The following PDE10A variants were observed in gnomAD, a reference collection of about 807,000 sequenced individuals.
PDE10A encodes the protein cAMP and cAMP-inhibited cGMP 3',5'-cyclic phosphodiesterase 10A.
A neutral mutation model predicts 97.7 loss-of-function variants in PDE10A; 39 were observed. The ratio of observed to expected loss-of-function variants is 0.40; its 90% confidence interval spans 0.31 to 0.52. The LOEUF is 0.52. PDE10A is among the 20% of genes least tolerant of loss of function. The pLI, the probability that PDE10A is intolerant of heterozygous loss-of-function variation, is 0.56. For missense variants in PDE10A, 731 were observed against 1,047.8 expected, an observed-to-expected ratio of 0.70 and a Z score of 4.17; for synonymous variants, 371 against 376.8, an observed-to-expected ratio of 0.98 and a Z score of 0.18.
intron 1 of PDE10A, among the ~76,000 whole-genome samples, chr6:165,913,157 T>C (rs541948910): frequency 1.4e-4 from 21 of 152,272 alleles, no homozygotes; most frequent in African/African-American, 5.1e-4. Context: ...TGTTTAGACT[T>C]GGATCCCATC....
intron 2 of PDE10A, among the ~76,000 whole-genome samples, chr6:165,513,487 T>TC (rs1781621985): frequency 6.6e-6 from 1 of 152,116 alleles, no homozygotes. Flanking sequence ...ATATTGAACT[T>TC]CATTTTAAAA....
chr6:165,764,161 G>T (rs1340992886), intron 1 of PDE10A, among the ~76,000 whole-genome samples: 1 of 152,174 alleles, frequency 6.6e-6, no homozygotes, highest in Non-Finnish European at 1.5e-5. Flanking sequence ...TCTTGGCTCT[G>T]CCTGGGCAGA....
chr6:165,591,348 G>A (rs142249339), intron 1 of PDE10A, among the ~76,000 whole-genome samples: 2,375 of 152,326 alleles, frequency 0.016, 63 homozygotes, highest in African/African-American at 0.054. Context: ...AACAGAAACT[G>A]GAATGAGGTA....
At chr6:165,341,733 A>G (rs1781982381) in intron 19 of PDE10A, among the ~76,000 whole-genome samples, 1 of 152,182 alleles carries the variant, frequency 6.6e-6, no homozygotes, top group Non-Finnish European at 1.5e-5. Flanking sequence ...CACTTCCAGC[A>G]TCCTAGTGTA....
chr6:165,552,075 G>A (rs934514812), intron 1 of PDE10A, among the ~76,000 whole-genome samples: 1 of 152,138 alleles, frequency 6.6e-6, no homozygotes. Flanking sequence ...AGTTTCACTG[G>A]AGCTACCTTC....
rs529971011 is a variant in PDE10A at position 165,465,433 on chromosome 6, G to C, written c.1024-15071C>G. 1.4e-3 allele frequency among the ~76,000 whole-genome samples: 206 copies of C among 152,322 alleles called. 3 individuals are homozygous for C. The highest frequency in any genetic ancestry group is 4.1e-3 in the South Asian group (20 of 4,832). ...AGAGAAAAAGCAGCCACCTTCACTT[G>C]TTCTACAGTGTAACTGAGCACAGAA... is the stretch of plus-strand genomic sequence containing the variant. On this transcript the variant is annotated intron_variant, in intron 3 of 21. Transcript: ENST00000539869.
chr6:165,443,446 G>C (rs568317366), intron 5 of PDE10A, among the ~76,000 whole-genome samples: 1 of 152,306 alleles, frequency 6.6e-6, no homozygotes, highest in South Asian at 2.1e-4. Context: ...GTTCTGCAGG[G>C]TATGGCCCCT....
At chr6:165,826,575 GC>G (rs1221527814) in intron 1 of PDE10A, among the ~76,000 whole-genome samples, 1 of 149,368 alleles carries the variant, frequency 6.7e-6, no homozygotes, top group Non-Finnish European at 1.5e-5. Context: ...CTCCCGCCAC[GC>G]CCCCAGGTAT....
chr6:165,812,847 A>G (rs1034801851), intron 1 of PDE10A, among the ~76,000 whole-genome samples: 3 of 152,166 alleles, frequency 2.0e-5, no homozygotes, highest in Admixed American at 2.0e-4. Context: ...AGAGAGCTTA[A>G]GTAACTTCTC....
At chr6:165,877,808 G>A (rs753880815) in intron 1 of PDE10A, among the ~76,000 whole-genome samples, 11 of 152,016 alleles carry the variant, frequency 7.2e-5, no homozygotes, top group Non-Finnish European at 1.2e-4. Flanking sequence ...TGAGCTAAAC[G>A]CTTTATATCT....
At chr6:165,914,591 ATGT>A (rs931869104) in intron 1 of PDE10A, among the ~76,000 whole-genome samples, 1 of 152,210 alleles carries the variant, frequency 6.6e-6, no homozygotes, top group Non-Finnish European at 1.5e-5. Context: ...GTGTCAAGGG[ATGT>A]TGTCACCAAC....
chr6:165,444,612 G>T (rs1482889420), intron 5 of PDE10A, among the ~76,000 whole-genome samples: 2 of 151,292 alleles, frequency 1.3e-5, no homozygotes, highest in Non-Finnish European at 2.9e-5. Flanking sequence ...AAGTAATTTT[G>T]TTATAATCAC....
intron 1 of PDE10A, chr6:165,576,437 T>G: frequency 3.8e-6 from 3 of 780,938 alleles, no homozygotes; most frequent in Non-Finnish European, 7.2e-6. Context: ...ATTTCCTCTC[T>G]TCTATCCTCA....
chr6:165,601,961 T>C (rs1786976949), intron 1 of PDE10A, among the ~76,000 whole-genome samples: 1 of 152,164 alleles, frequency 6.6e-6, no homozygotes, highest in South Asian at 2.1e-4. Context: ...ATCCTTTTTG[T>C]AACCAATATA....
chr6:165,460,879 T>C (rs931136323), intron 3 of PDE10A, among the ~76,000 whole-genome samples: 1 of 152,030 alleles, frequency 6.6e-6, no homozygotes, highest in African/African-American at 2.4e-5. Context: ...ATTTGCAAGG[T>C]TTGAAAAAAC....
intron 1 of PDE10A, among the ~76,000 whole-genome samples, chr6:165,817,750 G>T (rs1779458851): frequency 6.6e-6 from 1 of 152,148 alleles, no homozygotes; most frequent in Admixed American, 6.5e-5. Flanking sequence ...GACTGTCAAT[G>T]AGTTTAGAAA....
chr6:165,902,740 T>A (rs978231211), intron 1 of PDE10A, among the ~76,000 whole-genome samples: 17 of 152,146 alleles, frequency 1.1e-4, no homozygotes, highest in African/African-American at 4.1e-4. Context: ...AGTGGAGGTA[T>A]CAGCATTGTT....
At chr6:165,578,699 G>A (rs1378088994) in intron 1 of PDE10A, among the ~76,000 whole-genome samples, 1 of 151,996 alleles carries the variant, frequency 6.6e-6, no homozygotes, top group Non-Finnish European at 1.5e-5. Flanking sequence ...TTCTTACATG[G>A]CATAATATAA....
chr6:165,876,164 T>C (rs1025193531), intron 1 of PDE10A, among the ~76,000 whole-genome samples: 5 of 152,194 alleles, frequency 3.3e-5, no homozygotes, highest in African/African-American at 9.7e-5. Context: ...TCTAGGACTG[T>C]TAACAACAGC....
Sources: allele counts gnomAD v4.1 joint callset (sites outside exome capture counted in the v4.1 genomes callset), GRCh38; gene constraint gnomAD v4.1.1; transcripts MANE v1.5; gene names NCBI Gene and HGNC (gene_info 2026-07-23, HGNC 2026-07-21).